The following CPNE8 variants were observed in gnomAD, a reference collection of about 807,000 sequenced individuals.
CPNE8 encodes the protein copine-8.
A neutral mutation model predicts 81.5 loss-of-function variants in CPNE8; 45 were observed. That is an observed-to-expected ratio of 0.55 (90% CI 0.44 to 0.71). CPNE8 has a LOEUF of 0.71. CPNE8 is among the 30% of genes least tolerant of loss of function. The probability of loss-of-function intolerance (pLI) is 0.00; values close to 1 mark genes in which losing one functional copy is unlikely to be tolerated. For synonymous variants in CPNE8, 252 were observed against 226.3 expected (o/e 1.11, Z -1.02); for missense variants, 594 against 672.1 (o/e 0.88, Z 1.28).
chr12:38,757,946 T>A (rs1941494807), intron 10 of CPNE8, among the ~76,000 whole-genome samples: 1 of 152,036 alleles, frequency 6.6e-6, no homozygotes, highest in East Asian at 1.9e-4. Flanking sequence ...GTAAGATGAG[T>A]ATTTAAAAAT....
chr12:38,873,166 C>G (rs1170682408), intron 2 of CPNE8, 116 bp from the exon 3 acceptor site: 1 of 613,648 alleles, frequency 1.6e-6, no homozygotes, highest in Non-Finnish European at 2.8e-6. Flanking sequence ...ATGCCTAATT[C>G]CTAGACTTAC....
At chr12:38,799,348 C>G (rs1171289146) in intron 6 of CPNE8, among the ~76,000 whole-genome samples, 3 of 152,172 alleles carry the variant, frequency 2.0e-5, no homozygotes, top group Non-Finnish European at 2.9e-5. Flanking sequence ...CAAACTGTCT[C>G]TCAGACCACA....
intron 10 of CPNE8, among the ~76,000 whole-genome samples, chr12:38,746,069 C>G (rs61937768): frequency 0.058 from 8,807 of 152,096 alleles, 366 homozygotes; most frequent in Non-Finnish European, 0.088. Flanking sequence ...ATGTATTTCT[C>G]GCAATCAGTA....
chr12:38,653,521 G>T lies in CPNE8; in HGVS notation c.*361C>A. The T allele has an allele frequency of 5.9e-6, 1 of 169,032 alleles. No homozygotes were observed. The highest frequency in any genetic ancestry group is 1.2e-5 in the Non-Finnish European group (1 of 80,018). 10.5% of individuals were successfully genotyped at this position (169,032 alleles called of 1,614,324 possible). A position where few individuals can be genotyped will look rare whatever the true frequency, so the allele number is the denominator to read the frequency against. ...ACATGTAAACATTGATACAGAGACT[G>T]CTTTCCTATACACATAGCAGTCGAA... On this transcript the variant is annotated 3_prime_UTR_variant, in exon 20 of 20. Coordinates refer to ENST00000331366, the MANE Select transcript of CPNE8 (RefSeq NM_153634.3).
At position 38,774,515 on chromosome 12, in the gene CPNE8, A is replaced by G. The variant is rs573752157; in HGVS notation, c.471+1723T>C. On this transcript the variant is annotated intron_variant, in intron 7 of 19. Coordinates refer to ENST00000331366, the MANE Select transcript of CPNE8 (RefSeq NM_153634.3). ...ATCGCTGCATTTAAATAATTATGCT[A>G]TATTTTCTAAGGCACTGGGTAGTAT... is the stretch of plus-strand genomic sequence containing the variant. Among the ~76,000 whole-genome samples, 4 of 152,258 alleles carry G rather than the reference A, an allele frequency of 2.6e-5. 1 individual carries two copies. The highest frequency in any genetic ancestry group is 9.6e-5 in the African/African-American group (4 of 41,570).
intron 7 of CPNE8, among the ~76,000 whole-genome samples, chr12:38,771,137 T>C (rs1246313548): frequency 6.6e-6 from 1 of 152,092 alleles, no homozygotes; most frequent in African/African-American, 2.4e-5. Flanking sequence ...AAATATACTT[T>C]ATGAAAAATT....
intron 8 of CPNE8, among the ~76,000 whole-genome samples, chr12:38,766,212 G>A: frequency 6.6e-6 from 1 of 152,054 alleles, no homozygotes; most frequent in Non-Finnish European, 1.5e-5. Flanking sequence ...ATCACCAGGA[G>A]CATTAGATGT....
rs990039339 is a variant in CPNE8, at chr12:38,803,626, C to T, written c.407+25753G>A. Reference sequence around the variant, plus strand: ...ACAGGGATGCCCTCTCTCACCGCTCCTATTCAACATAGTGTTGGAAGTTCT... The same window carrying T: ...ACAGGGATGCCCTCTCTCACCGCTCTTATTCAACATAGTGTTGGAAGTTCT... On this transcript the variant is annotated intron_variant, in intron 6 of 19. Coordinates refer to ENST00000331366, the MANE Select transcript of CPNE8 (RefSeq NM_153634.3). Among the ~76,000 whole-genome samples the T allele has an allele frequency of 1.9e-3, 271 of 145,460 alleles. 2 individuals carry two copies. Among genetic ancestry groups the T allele is most frequent in the African/African-American group, 6.6e-3 (264 of 40,058 alleles).
intron 6 of CPNE8, among the ~76,000 whole-genome samples, chr12:38,818,422 G>A (rs1038351015): frequency 6.6e-6 from 1 of 152,098 alleles, no homozygotes; most frequent in African/African-American, 2.4e-5. Context: ...TGCTGAGAAT[G>A]GTTTCCAGCT....
intron 5 of CPNE8, 24 bp downstream of exon 5, chr12:38,839,891 TA>T: frequency 1.9e-6 from 3 of 1,546,222 alleles, no homozygotes; most frequent in Non-Finnish European, 2.6e-6. Flanking sequence ...TATAATGTTA[TA>T]AAAACATAAA....
At chr12:38,793,134 G>C (rs1052026014) in intron 6 of CPNE8, among the ~76,000 whole-genome samples, 1 of 151,796 alleles carries the variant, frequency 6.6e-6, no homozygotes, top group East Asian at 1.9e-4. Flanking sequence ...AATGGTGAAA[G>C]ACTGAAAGAC....
At chr12:38,847,818 A>C (rs898545420) in intron 4 of CPNE8, among the ~76,000 whole-genome samples, 5 of 152,186 alleles carry the variant, frequency 3.3e-5, no homozygotes, top group African/African-American at 1.2e-4. Flanking sequence ...AGTATGGTAC[A>C]TCAGAATTTT....
chr12:38,676,856 GCATATTAATGCCACT>G (rs1202356809), intron 17 of CPNE8, among the ~76,000 whole-genome samples: 2 of 152,028 alleles, frequency 1.3e-5, no homozygotes, highest in East Asian at 3.9e-4. Context: ...ATTTTAAAGT[GCATATTAATGCCACT>G]CATTCCTGCA....
chr12:38,783,461 G>T, intron 6 of CPNE8, among the ~76,000 whole-genome samples: 1 of 152,168 alleles, frequency 6.6e-6, no homozygotes, highest in East Asian at 1.9e-4. Flanking sequence ...ATTTCCGTGT[G>T]CTGGGGAGAG....
In CPNE8 at chr12:38,885,043, T is replaced by C. The variant is rs184567015; in HGVS notation, c.99-10532A>G. On this transcript the variant is annotated intron_variant, in intron 1 of 19. Transcript: ENST00000331366. ...GAGAAAAATCATCAACCACAATCAA[T>C]TGAAAAAAAGATGAAGAAAATGTAA... 1.3e-3 allele frequency among the ~76,000 whole-genome samples: 193 copies of C among 152,228 alleles called. 1 individual carries two copies. Among genetic ancestry groups the C allele is most frequent in the African/African-American group, 4.3e-3 (180 of 41,550 alleles).
chr12:38,821,378 A>G (rs1943107017), intron 6 of CPNE8, among the ~76,000 whole-genome samples: 1 of 152,210 alleles, frequency 6.6e-6, no homozygotes, highest in Non-Finnish European at 1.5e-5. Context: ...ACAATCCCTA[A>G]AACCTCTATT....
At chr12:38,657,159 G>A (rs1938839953) in intron 19 of CPNE8, among the ~76,000 whole-genome samples, 1 of 152,116 alleles carries the variant, frequency 6.6e-6, no homozygotes, top group Non-Finnish European at 1.5e-5. Flanking sequence ...CTGGAAAAAG[G>A]GGACACTCCT....
rs548448824 is a variant in CPNE8, at chr12:38,867,208, G to A, written c.186+5796C>T. On this transcript the variant is annotated intron_variant, in intron 3 of 19. Coordinates refer to ENST00000331366, the MANE Select transcript of CPNE8 (RefSeq NM_153634.3). ...AAGCCATATTCTAAATGCTGTGCAC[G>A]AGGTTTCACCTTTGGAAGCACAAAG... 9.2e-5 allele frequency among the ~76,000 whole-genome samples: 14 copies of A among 152,142 alleles called. No homozygotes were observed. In the East Asian group the frequency reaches 9.7e-4, roughly 11 times the overall value.
chr12:38,769,782 T>C (rs1941764088), intron 7 of CPNE8, among the ~76,000 whole-genome samples: 1 of 152,230 alleles, frequency 6.6e-6, no homozygotes. Context: ...TGAATTTTCA[T>C]AGGCTCACTG....
Sources: gnomAD v4.1 joint callset for allele counts (sites outside exome capture counted in the v4.1 genomes callset) on GRCh38, gnomAD v4.1.1 for gene constraint, MANE v1.5 for transcripts, NCBI Gene and HGNC (gene_info 2026-07-23, HGNC 2026-07-21) for gene names.